ADAMTS6: variants seen among roughly 807,000 people sequenced by gnomAD.
ADAMTS6 encodes the protein ADAM metallopeptidase with thrombospondin type 1 motif 6.
In ADAMTS6, 23 loss-of-function variants were observed where a neutral mutation model predicts 144.3. The observed-to-expected ratio is 0.16, with a 90% CI of 0.11 to 0.23. ADAMTS6 has a LOEUF of 0.23. ADAMTS6 is among the 10% of genes least tolerant of loss of function. ADAMTS6 has a pLI of 1.00. For synonymous variants in ADAMTS6, 444 were observed against 457.5 expected (o/e 0.97, Z 0.38); for missense variants, 999 against 1,379.6 (o/e 0.72, Z 4.37).
chr5:65,470,999 C>T lies in ADAMTS6; in HGVS notation c.241G>A (p.Ala81Thr). 6.2e-7 allele frequency: 1 copy of T among 1,612,786 alleles called. No individual in the cohort carries two copies. The highest frequency in any genetic ancestry group is 2.2e-5 in the East Asian group (1 of 44,712). ...RSMDPIDPQQ[A>T]VSKLFFKLSA... is the part of the protein sequence containing the mutation. ...AGTTTAAAAAATAACTTAGATACTG[C>T]CTGCTGTGGATCAATAGGGTCCATA... Residue 81 changes from alanine to threonine, a missense_variant, in exon 3 of 25, where the codon GCA (alanine) becomes ACA (threonine). By Grantham distance (58) the Ala-to-Thr change is moderately conservative. Transcript: ENST00000381055.
At chr5:65,302,402 C>A (rs1214367050) in intron 9 of ADAMTS6, among the ~76,000 whole-genome samples, 2 of 147,512 alleles carry the variant, frequency 1.4e-5, no homozygotes, top group African/African-American at 2.5e-5. Context: ...ATATATTTTT[C>A]TCCCAGCCCC....
intron 10 of ADAMTS6, among the ~76,000 whole-genome samples, chr5:65,292,817 T>C (rs1742450935): frequency 6.6e-6 from 1 of 152,096 alleles, no homozygotes; most frequent in Non-Finnish European, 1.5e-5. Flanking sequence ...ACTACAATCA[T>C]TTCATTTGTC....
At chr5:65,305,095 A>C (rs187070309) in intron 9 of ADAMTS6, among the ~76,000 whole-genome samples, 8 of 152,310 alleles carry the variant, frequency 5.3e-5, no homozygotes, top group Admixed American at 5.2e-4. Context: ...GTTTAGGAAT[A>C]AAGGATATAA....
At chr5:65,479,712 T>C (rs1761074753) in intron 1 of ADAMTS6, among the ~76,000 whole-genome samples, 1 of 152,178 alleles carries the variant, frequency 6.6e-6, no homozygotes, top group African/African-American at 2.4e-5. Context: ...CTACTAGTGA[T>C]TACTAAGGAA....
At chr5:65,337,387 T>C (rs1747404456) in intron 7 of ADAMTS6, among the ~76,000 whole-genome samples, 1 of 152,142 alleles carries the variant, frequency 6.6e-6, no homozygotes, top group South Asian at 2.1e-4. Flanking sequence ...AATTTCTTTT[T>C]TGTGGGATAT....
chr5:65,174,655 G>A (rs1269705761), intron 22 of ADAMTS6, among the ~76,000 whole-genome samples: 1 of 152,148 alleles, frequency 6.6e-6, no homozygotes, highest in Non-Finnish European at 1.5e-5. Context: ...TTTGGTTTTT[G>A]TTTTTGACTT....
intron 20 of ADAMTS6, among the ~76,000 whole-genome samples, chr5:65,211,392 A>C (rs1756523256): frequency 6.6e-6 from 1 of 152,168 alleles, no homozygotes; most frequent in Non-Finnish European, 1.5e-5. Flanking sequence ...ACTTGAGGTC[A>C]GGAGTTCAAG....
intron 24 of ADAMTS6, among the ~76,000 whole-genome samples, chr5:65,158,425 T>C (rs1752554888): frequency 6.6e-6 from 1 of 152,180 alleles, no homozygotes; most frequent in Non-Finnish European, 1.5e-5. Context: ...TACCAGCCCA[T>C]GGCACACCAT....
chr5:65,436,124 G>C (rs776327042), intron 7 of ADAMTS6, among the ~76,000 whole-genome samples: 1 of 152,026 alleles, frequency 6.6e-6, no homozygotes, highest in Non-Finnish European at 1.5e-5. Context: ...AGCACTTTGG[G>C]AGAGGCCGAA....
intron 6 of ADAMTS6, among the ~76,000 whole-genome samples, chr5:65,451,892 A>G (rs1758769117): frequency 6.6e-6 from 1 of 152,230 alleles, no homozygotes; most frequent in African/African-American, 2.4e-5. Context: ...AAGATATGCC[A>G]TGCAAATGTT....
intron 24 of ADAMTS6, among the ~76,000 whole-genome samples, chr5:65,153,740 A>C (rs1331974513): frequency 6.6e-6 from 1 of 152,226 alleles, no homozygotes; most frequent in African/African-American, 2.4e-5. Flanking sequence ...CTGGGGAACA[A>C]CTTCATTAGA....
chr5:65,466,775 G>C (rs1278947052), intron 3 of ADAMTS6, among the ~76,000 whole-genome samples: 1 of 152,188 alleles, frequency 6.6e-6, no homozygotes, highest in East Asian at 1.9e-4. Context: ...GGGCGCGGTG[G>C]CTCACGCCTG....
At chr5:65,398,781 CAAGAAAGAAAGAAAGA>C (rs199684759) in intron 7 of ADAMTS6, among the ~76,000 whole-genome samples, 6,611 of 106,462 alleles carry the variant, frequency 0.062, 233 homozygotes, top group Middle Eastern at 0.1. Context: ...GAAGAGAGAG[CAAGAAAGAAAGAAAGA>C]AAGAAAGAAA....
intron 9 of ADAMTS6, among the ~76,000 whole-genome samples, chr5:65,322,074 C>A (rs1406023296): frequency 6.6e-6 from 1 of 152,096 alleles, no homozygotes; most frequent in Non-Finnish European, 1.5e-5. Context: ...CAGTTTCAAT[C>A]TTCTACATAT....
At chr5:65,200,542 C>G (rs909461944) in intron 20 of ADAMTS6, among the ~76,000 whole-genome samples, 6 of 152,092 alleles carry the variant, frequency 3.9e-5, no homozygotes, top group African/African-American at 1.4e-4. Flanking sequence ...TAGTTTATAA[C>G]CAAAACATAA....
At chr5:65,307,053 T>A (rs1461757288) in intron 9 of ADAMTS6, among the ~76,000 whole-genome samples, 2 of 152,232 alleles carry the variant, frequency 1.3e-5, no homozygotes, top group Non-Finnish European at 2.9e-5. Flanking sequence ...ACATTTCATG[T>A]TCCTTATGTC....
At chr5:65,307,495 G>T (rs1738314706) in intron 9 of ADAMTS6, among the ~76,000 whole-genome samples, 1 of 152,146 alleles carries the variant, frequency 6.6e-6, no homozygotes, top group Non-Finnish European at 1.5e-5. Context: ...ATAAAACGTA[G>T]GATCCAGAGG....
intron 7 of ADAMTS6, among the ~76,000 whole-genome samples, chr5:65,386,339 C>T (rs1357166508): frequency 6.6e-6 from 1 of 151,784 alleles, no homozygotes; most frequent in African/African-American, 2.4e-5. Flanking sequence ...TAAGTTGCAC[C>T]TGATTTTTAT....
At position 65,151,905 on chromosome 5, in the gene ADAMTS6, C is replaced by T. The variant is rs1205867598; in HGVS notation, c.3285G>A (p.Val1095=). ...CTCGACTGCAGAACTTGAACTTCAG[C>T]ACCAGTGGGCAATAAGCCACTTTAT... is the stretch of plus-strand genomic sequence containing the variant. ...DVNKVAYCPL[V]LKFKFCSRAY... Residue 1095 remains valine, a synonymous_variant, in exon 25 of 25, where the codon GTG becomes GTA. Transcript: ENST00000381055. 3 of 1,613,792 alleles carry T rather than the reference C, an allele frequency of 1.9e-6. No homozygotes were observed. In the African/African-American group the frequency reaches 4.0e-5, roughly 22 times the overall value.
Sources: gnomAD v4.1 joint callset for allele counts (sites outside exome capture counted in the v4.1 genomes callset) on GRCh38, gnomAD v4.1.1 for gene constraint, MANE v1.5 for transcripts, NCBI Gene and HGNC (gene_info 2026-07-23, HGNC 2026-07-21) for gene names.